The following IGDCC4 variants were observed in gnomAD, a reference collection of about 807,000 sequenced individuals.
IGDCC4 encodes immunoglobulin superfamily DCC subclass member 4.
Under a neutral mutation model 116.6 loss-of-function variants are expected in IGDCC4, and 72 were observed. That is an observed-to-expected ratio of 0.62 (90% CI 0.51 to 0.75). The LOEUF is 0.75. IGDCC4 is among the 30% of genes least tolerant of loss of function. The probability of loss-of-function intolerance (pLI) is 0.00; values close to 1 mark genes in which losing one functional copy is unlikely to be tolerated. For missense variants in IGDCC4, 1,501 were observed against 1,662.4 expected, an observed-to-expected ratio of 0.90 and a Z score of 1.69; for synonymous variants, 709 against 719.9, an observed-to-expected ratio of 0.98 and a Z score of 0.24.
At position 65,395,805 on chromosome 15, in the gene IGDCC4, G is replaced by T. The variant is rs1300464584; in HGVS notation, c.1356C>A (p.Pro452=). 1.3e-6 allele frequency: 2 copies of T among 1,499,164 alleles called. No homozygotes were observed. The highest frequency in any genetic ancestry group is 1.8e-6 in the Non-Finnish European group (2 of 1,119,870). The allele number at this position is 1,499,164 out of a possible 1,614,324, so 92.9% of individuals were successfully genotyped here. A position where few individuals can be genotyped will look rare whatever the true frequency, so the allele number is the denominator to read the frequency against. The change falls in exon 7 of 20, where the codon CCC becomes CCA. Residue 452 remains proline (P), a synonymous_variant. Coordinates refer to ENST00000352385, the MANE Select transcript of IGDCC4 (RefSeq NM_020962.3). Reference sequence around the variant, plus strand: ...CGATGATCTGCTCGCTGTGCATCTCGGGCCGCTCCCAGGCCACCAACACAG... The same window carrying T: ...CGATGATCTGCTCGCTGTGCATCTCTGGCCGCTCCCAGGCCACCAACACAG... ...SSAVLVAWER[P]EMHSEQIIGF...
At chr15:65,412,910 T>C (rs1211368808) in intron 1 of IGDCC4, among the ~76,000 whole-genome samples, 2 of 151,050 alleles carry the variant, frequency 1.3e-5, no homozygotes, top group African/African-American at 4.9e-5. Context: ...TACATACATA[T>C]ACATATATAG....
intron 1 of IGDCC4, among the ~76,000 whole-genome samples, chr15:65,422,424 C>T (rs1219899653): frequency 4.6e-5 from 7 of 151,802 alleles, no homozygotes; most frequent in Admixed American, 2.0e-4. Context: ...AAGGCAGAGC[C>T]CGCCCCGCGA....
chr15:65,421,782 C>T (rs1424485538), intron 1 of IGDCC4, among the ~76,000 whole-genome samples: 1 of 151,976 alleles, frequency 6.6e-6, no homozygotes, highest in Non-Finnish European at 1.5e-5. Flanking sequence ...AGCCCATCCC[C>T]CTCCCAGCCC....
intron 1 of IGDCC4, among the ~76,000 whole-genome samples, chr15:65,412,123 C>T (rs886574143): frequency 1.4e-4 from 21 of 152,160 alleles, no homozygotes; most frequent in African/African-American, 5.1e-4. Context: ...GAGGCTGAAG[C>T]AAGGAGGATC....
At chr15:65,386,799 G>A in intron 16 of IGDCC4, 143 bp from the exon 17 acceptor site, 1 of 643,500 alleles carries the variant, frequency 1.6e-6, no homozygotes, top group Non-Finnish European at 2.7e-6. Flanking sequence ...TACAAGGACA[G>A]GAGGGCCCTG....
intron 12 of IGDCC4, 134 bp downstream of exon 12, chr15:65,391,728 AGAGGACCCCTGATCCTAG>A (rs2091516533): frequency 1.5e-6 from 1 of 666,794 alleles, no homozygotes; most frequent in African/African-American, 1.8e-5. Flanking sequence ...TGGAGCTAAA[AGAGGACCCCTGATCCTAG>A]GAGAATGGGT....
At chr15:65,405,903 C>G (rs186405376) in intron 3 of IGDCC4, among the ~76,000 whole-genome samples, 2 of 152,314 alleles carry the variant, frequency 1.3e-5, no homozygotes, top group East Asian at 3.9e-4. Context: ...GCCACTTGGG[C>G]CCCGAGGATT....
At chr15:65,422,016 G>C (rs1234447148) in intron 1 of IGDCC4, among the ~76,000 whole-genome samples, 2 of 152,054 alleles carry the variant, frequency 1.3e-5, no homozygotes, top group Admixed American at 6.5e-5. Context: ...TTCCCTGGTC[G>C]GTCCCTGGGG....
At position 65,383,188 on chromosome 15, in the gene IGDCC4, A is replaced by C. The variant is rs928953871; in HGVS notation, c.*821T>G. ...TAGTCACGTTGTTAGAGAAGGATGC[A>C]GAGTTTGAACCCAGGCAGGAGAACA... On this transcript the variant is annotated 3_prime_UTR_variant, in exon 20 of 20. Transcript: ENST00000352385. 1 of 152,984 alleles carries C rather than the reference A, an allele frequency of 6.5e-6. No homozygotes were observed. Among genetic ancestry groups the C allele is most frequent in the Non-Finnish European group, 1.5e-5 (1 of 68,234 alleles). The allele number at this position is 152,984 out of a possible 1,614,324, so 9.5% of individuals were successfully genotyped here. A position where few individuals can be genotyped will look rare whatever the true frequency, so the allele number is the denominator to read the frequency against.
intron 1 of IGDCC4, among the ~76,000 whole-genome samples, chr15:65,417,398 C>T (rs1033080980): frequency 6.6e-6 from 1 of 152,156 alleles, no homozygotes; most frequent in African/African-American, 2.4e-5. Context: ...ACCTGCCTAT[C>T]TCCCGCTCCC....
intron 3 of IGDCC4, among the ~76,000 whole-genome samples, chr15:65,403,377 T>C (rs1180629967): frequency 6.6e-6 from 1 of 152,182 alleles, no homozygotes; most frequent in Admixed American, 6.5e-5. Context: ...GGAGGGGACC[T>C]GGGATCCAGG....
rs2062876598 is a variant in IGDCC4, at chr15:65,392,370, A to G, written c.1886T>C (p.Val629Ala). 1 of 1,512,674 alleles carries G rather than the reference A, an allele frequency of 6.6e-7. No individual in the cohort carries two copies. The highest frequency in any genetic ancestry group is 2.4e-5 in the East Asian group (1 of 42,212). 93.7% of individuals were successfully genotyped at this position (1,512,674 alleles called of 1,614,324 possible). Residue 629 changes from valine to alanine, a missense_variant and splice_region_variant, in exon 11 of 20, where the codon GTC becomes GCC. Physicochemically the swap from Val to Ala is moderately conservative, Grantham distance 64. This residue lies in a region of IGDCC4 where 898 missense variants were observed against 978.9 expected (regional missense o/e 0.92). Transcript: ENST00000352385. ...CTTCAACTCTGCAGGGGCAAAAGGG[A>G]CTGGGGGGCAGAGGAGCAGGATGGG... ...RTPSMHNQSH[V>A]PFAPAELKVQ...
intron 1 of IGDCC4, among the ~76,000 whole-genome samples, chr15:65,418,847 G>A (rs1021036298): frequency 3.3e-5 from 5 of 152,094 alleles, no homozygotes; most frequent in African/African-American, 7.2e-5. Flanking sequence ...GGAGGAGGGT[G>A]GATTCCAGAG....
rs777640487 is a variant in IGDCC4 at position 65,384,285 on chromosome 15, C to T, written c.3477G>A (p.Leu1159=). The T allele has an allele frequency of 4.4e-6, 7 of 1,607,624 alleles. No homozygotes were observed. The highest frequency in any genetic ancestry group is 1.1e-5 in the South Asian group (1 of 90,248). The change falls in exon 20 of 20, where the codon CTG becomes CTA. Residue 1159 remains leucine (L), a synonymous_variant. Coordinates refer to ENST00000352385, the MANE Select transcript of IGDCC4 (RefSeq NM_020962.3). This position sits in a 1 kb window ranked among gnomAD's most constrained non-coding sequence, Gnocchi z 4.9. The stretch of plus-strand genomic sequence containing the variant: ...AGATGAGATCAGGAGCCTCTGGAGG[C>T]AGGGGGTCCTCAGGCTCCAGGTCTT... ...HLQDLEPEDP[L]PPEAPDLISG... is the part of the protein sequence containing the mutation.
At position 65,422,854 on chromosome 15, in the gene IGDCC4, C is replaced by T. The variant is rs2063207190; in HGVS notation, c.9G>A (p.Arg3=). The change falls in exon 1 of 20, where the codon CGG becomes CGA. Residue 3 remains arginine, a synonymous_variant. Transcript: ENST00000352385. ...GCCCGCGGCCGCGGCCGGCGTCCCC[C>T]CGCGCCATGGGGCTGGGCTCGGGCC... is the stretch of plus-strand genomic sequence containing the variant. MA[R]GDAGRGRGLL... 8.4e-7 allele frequency: 1 copy of T among 1,190,484 alleles called. No homozygotes were observed. Among genetic ancestry groups the T allele is most frequent in the Non-Finnish European group, 1.0e-6 (1 of 958,160 alleles). The allele number at this position is 1,190,484 out of a possible 1,614,324, so 73.7% of individuals were successfully genotyped here. A position where few individuals can be genotyped will look rare whatever the true frequency, so the allele number is the denominator to read the frequency against.
At position 65,396,071 on chromosome 15, in the gene IGDCC4, G is replaced by A; in HGVS notation, c.1090C>T (p.Pro364Ser). ...FVCRASGEPR[P>S]ALRWLHNGAP... Reference sequence around the variant, plus strand: ...CCGTTGTGCAGCCAGCGCAGCGCTGGCCGCGGCTCCCCCGACGCGCGGCAC... The same window carrying A: ...CCGTTGTGCAGCCAGCGCAGCGCTGACCGCGGCTCCCCCGACGCGCGGCAC... The change falls in exon 7 of 20, where the codon CCA becomes TCA. Residue 364 changes from proline (P) to serine (S), a missense_variant. Physicochemically the swap from Pro to Ser is moderately conservative, Grantham distance 74 (BLOSUM62 -1). Around this residue, in one of 3 missense-constraint regions of IGDCC4, gnomAD observed 898 missense variants for 978.9 expected, o/e 0.92. Coordinates refer to ENST00000352385, the MANE Select transcript of IGDCC4 (RefSeq NM_020962.3). The A allele has an allele frequency of 7.2e-7, 1 of 1,391,772 alleles. No homozygotes were observed. Among genetic ancestry groups the A allele is most frequent in the Non-Finnish European group, 9.3e-7 (1 of 1,080,746 alleles). 86.2% of individuals were successfully genotyped at this position (1,391,772 alleles called of 1,614,324 possible).
At chr15:65,395,669 C>G in intron 7 of IGDCC4, 81 bp downstream of exon 7, 1 of 1,354,244 alleles carries the variant, frequency 7.4e-7, no homozygotes. Context: ...TCAGGCAACC[C>G]TTCAGTCATC....
In IGDCC4 at chr15:65,388,569, C is replaced by T; in HGVS notation, c.2725G>A (p.Glu909Lys). The change falls in exon 16 of 20, where the codon GAG (glutamate) becomes AAG (lysine). Residue 909 changes from glutamate to lysine, a missense_variant. By Grantham distance (56) the Glu-to-Lys change is moderately conservative. Around this residue, in one of 3 missense-constraint regions of IGDCC4, gnomAD observed 235 missense variants for 328.0 expected, o/e 0.72. Coordinates refer to ENST00000352385, the MANE Select transcript of IGDCC4 (RefSeq NM_020962.3). ...GTGTCGCTCTCCAGGCCATGGACCT[C>T]AGCACTGAAGATGTTTCCTGGGGGT... ...LTTQGNIFSAEVHGLESDTRY... is the reference protein window; with the variant it reads ...LTTQGNIFSAKVHGLESDTRY... 1.9e-6 allele frequency: 3 copies of T among 1,614,136 alleles called. No homozygotes were observed. Among genetic ancestry groups the T allele is most frequent in the Non-Finnish European group, 1.7e-6 (2 of 1,180,042 alleles).
chr15:65,385,223 C>T (rs936891725), intron 18 of IGDCC4, 108 bp from the exon 19 acceptor site: 7 of 1,125,068 alleles, frequency 6.2e-6, no homozygotes, highest in Non-Finnish European at 8.6e-6. Flanking sequence ...AGGGTCCAGA[C>T]TGTCACCCGC....
Sources: gnomAD v4.1 joint callset for allele counts (sites outside exome capture counted in the v4.1 genomes callset) on GRCh38, gnomAD v4.1.1 for gene constraint, gnomAD v4.1.1 regional missense constraint, Gnocchi (gnomAD v3.1) non-coding constraint, MANE v1.5 for transcripts, NCBI Gene and HGNC (gene_info 2026-07-23, HGNC 2026-07-21) for gene names.